RASA3: variants seen among roughly 807,000 people sequenced by gnomAD.
RASA3 encodes ras GTPase-activating protein 3.
Under a neutral mutation model 110.0 loss-of-function variants are expected in RASA3, and 73 were observed. That is an observed-to-expected ratio of 0.66 (90% CI 0.55 to 0.81). The LOEUF is 0.81. Among genes scored for constraint, RASA3 ranks in the 30% least tolerant of loss-of-function variants. The pLI is 0.00. For missense variants in RASA3, 976 were observed against 1,113.2 expected (o/e 0.88, Z 1.75); for synonymous variants, 500 against 451.4 (o/e 1.11, Z -1.37).
chr13:114,079,172 G>A (rs953018837), intron 1 of RASA3, among the ~76,000 whole-genome samples: 5 of 152,236 alleles, frequency 3.3e-5, no homozygotes, highest in South Asian at 2.1e-4. Flanking sequence ...GACAGAAGAC[G>A]TCCTGGAGAG....
intron 7 of RASA3, among the ~76,000 whole-genome samples, chr13:114,026,983 C>T (rs2054036597): frequency 6.6e-6 from 1 of 152,262 alleles, no homozygotes; most frequent in Non-Finnish European, 1.5e-5. Context: ...TGGAACAAGC[C>T]TTCCGCCTCT....
rs898951709 is a variant in RASA3 at position 114,109,174 on chromosome 13, C to T, written c.55+23261G>A. On this transcript the variant is annotated intron_variant, in intron 1 of 23. Transcript: ENST00000334062. ...ACGGGCCCCCGAACACGACCGGCTC[C>T]GTGACCGTCACAGGACGTTCAGGTG... Among the ~76,000 whole-genome samples the T allele has an allele frequency of 3.9e-5, 6 of 152,222 alleles. No individual in the cohort carries two copies. The South Asian group carries it at 1.0e-3, about 26-fold the overall frequency.
chr13:114,075,769 GCCTC>G (rs2079665360), intron 1 of RASA3, among the ~76,000 whole-genome samples: 8 of 102,302 alleles, frequency 7.8e-5, no homozygotes, highest in Non-Finnish European at 1.2e-4. Context: ...GCAGGACGAA[GCCTC>G]CCGTGTCCGC....
intron 2 of RASA3, among the ~76,000 whole-genome samples, chr13:114,059,291 C>G (rs1478401218): frequency 1.3e-5 from 2 of 152,226 alleles, no homozygotes; most frequent in Admixed American, 6.5e-5. Flanking sequence ...GCTGCTCCCC[C>G]CAACCTAATT....
At position 114,017,364 on chromosome 13, in the gene RASA3, G is replaced by C; in HGVS notation, c.1092-13C>G. The C allele has an allele frequency of 1.2e-6, 2 of 1,603,024 alleles. No homozygotes were observed. The highest frequency in any genetic ancestry group is 1.7e-6 in the Non-Finnish European group (2 of 1,170,444). Reference sequence around the variant, plus strand: ...GGTGTTGGGGTCCCTGGGAAATGGCGATGGGGACAGCGTTTGTCTCCTGGG... The same window carrying C: ...GGTGTTGGGGTCCCTGGGAAATGGCCATGGGGACAGCGTTTGTCTCCTGGG... On this transcript the variant is annotated splice_polypyrimidine_tract_variant and intron_variant, in intron 11 of 23. Coordinates refer to ENST00000334062, the MANE Select transcript of RASA3 (RefSeq NM_007368.4).
At chr13:114,073,997 A>G (rs1367860914) in intron 1 of RASA3, among the ~76,000 whole-genome samples, 160 bp from the exon 2 acceptor site, 1 of 152,170 alleles carries the variant, frequency 6.6e-6, no homozygotes. Flanking sequence ...TGTGCACCCC[A>G]TGTGTACTGC....
At chr13:114,102,093 CTG>C (rs1458299078) in intron 1 of RASA3, among the ~76,000 whole-genome samples, 1 of 152,210 alleles carries the variant, frequency 6.6e-6, no homozygotes, top group Admixed American at 6.5e-5. Flanking sequence ...CTGCATACAA[CTG>C]TGCAAATGCA....
At chr13:114,040,935 G>C in intron 4 of RASA3, 65 bp downstream of exon 4, 1 of 1,482,146 alleles carries the variant, frequency 6.7e-7, no homozygotes, top group Non-Finnish European at 9.4e-7. Context: ...GTCGGAGCCG[G>C]GCCCGTCTCG....
At chr13:114,075,457 C>G (rs61973926) in intron 1 of RASA3, among the ~76,000 whole-genome samples, 8,961 of 100,278 alleles carry the variant, frequency 0.089, 546 homozygotes, top group East Asian at 0.17. Flanking sequence ...CTCCCGTGTC[C>G]GCGCCGCGTA....
In RASA3 at chr13:114,096,906, C is replaced by A. The variant is rs760118443; in HGVS notation, c.56-23069G>T. On this transcript the variant is annotated intron_variant, in intron 1 of 23. Coordinates refer to ENST00000334062, the MANE Select transcript of RASA3 (RefSeq NM_007368.4). This position sits in a 1 kb window ranked among gnomAD's most constrained non-coding sequence, Gnocchi z 5.1. ...CACTCCGTGTTTGCCAACATGTGCG[C>A]CTTTGAACATGCGTTCTCTCCGCCT... 6.6e-5 allele frequency among the ~76,000 whole-genome samples: 10 copies of A among 152,178 alleles called. No homozygotes were observed. Among genetic ancestry groups the A allele is most frequent in the Non-Finnish European group, 1.5e-4 (10 of 68,026 alleles).
intron 1 of RASA3, among the ~76,000 whole-genome samples, chr13:114,094,826 T>C (rs904298892): frequency 6.6e-6 from 1 of 152,244 alleles, no homozygotes; most frequent in Non-Finnish European, 1.5e-5. Flanking sequence ...CTCACACGTT[T>C]AGATATGTGC....
chr13:114,026,767 A>G (rs1190995886), intron 7 of RASA3, among the ~76,000 whole-genome samples: 3 of 152,176 alleles, frequency 2.0e-5, no homozygotes, highest in African/African-American at 7.2e-5. Flanking sequence ...ACATCTGCCT[A>G]AAGGCCCTGC....
In RASA3 at chr13:114,114,716, G is replaced by A. The variant is rs181155997; in HGVS notation, c.55+17719C>T. Among the ~76,000 whole-genome samples the A allele has an allele frequency of 2.1e-3, 314 of 152,274 alleles. 5 individuals carry two copies. The South Asian group carries it at 0.043, about 21-fold the overall frequency. On this transcript the variant is annotated intron_variant, in intron 1 of 23. Coordinates refer to ENST00000334062, the MANE Select transcript of RASA3 (RefSeq NM_007368.4). The surrounding 1 kb of genome is among the most constrained non-coding windows in gnomAD (Gnocchi z 4.8). Reference sequence around the variant, plus strand: ...TTATGGGTAACCCTTGATAACATGTGGGCAGGGTTTCAGTGTAAACCCGAG... The same window carrying A: ...TTATGGGTAACCCTTGATAACATGTAGGCAGGGTTTCAGTGTAAACCCGAG...
chr13:114,108,853 A>G (rs1375556497), intron 1 of RASA3: 1 of 152,292 alleles, frequency 6.6e-6, no homozygotes, highest in African/African-American at 2.4e-5. Flanking sequence ...ATCCAACTTA[A>G]CACAGAGAGT....
intron 2 of RASA3, among the ~76,000 whole-genome samples, chr13:114,054,753 G>A (rs185869756): frequency 1.3e-5 from 2 of 152,376 alleles, no homozygotes; most frequent in Admixed American, 6.5e-5. Flanking sequence ...AAGGCAGAAT[G>A]CTCAGGGACT....
chr13:114,132,587 G>T lies in RASA3; in HGVS notation c.-98C>A. 9.4e-7 allele frequency: 1 copy of T among 1,062,242 alleles called. No homozygotes were observed. Among genetic ancestry groups the T allele is most frequent in the East Asian group, 3.7e-5 (1 of 26,768 alleles). 65.8% of individuals were successfully genotyped at this position (1,062,242 alleles called of 1,614,324 possible). A position where few individuals can be genotyped will look rare whatever the true frequency, so the allele number is the denominator to read the frequency against. ...GAGCGGCGGCGCCGGAGCCCCGAGC[G>T]CGGCCGAGGGTCCGCCCGCCTGCAA... On this transcript the variant is annotated 5_prime_UTR_variant, in exon 1 of 24. Transcript: ENST00000334062.
intron 4 of RASA3, among the ~76,000 whole-genome samples, chr13:114,038,781 C>T (rs1300259672): frequency 7.2e-5 from 11 of 152,210 alleles, no homozygotes; most frequent in Admixed American, 2.0e-4. Flanking sequence ...TGAGGGTTGC[C>T]GGGGGACAAG....
Position 113,992,158 on chromosome 13 carries a change from C to T in RASA3, c.2245+327G>A, listed in dbSNP as rs570348743. Among the ~76,000 whole-genome samples, 7 of 152,348 alleles carry T rather than the reference C, an allele frequency of 4.6e-5. No individual in the cohort carries two copies. The South Asian group carries it at 6.2e-4, about 14-fold the overall frequency. ...GCACACATGCAAGCACACTCACATA[C>T]GTGTCCACACACATGCACTTATCCC... is the stretch of plus-strand genomic sequence containing the variant. On this transcript the variant is annotated intron_variant, in intron 22 of 23. Coordinates refer to ENST00000334062, the MANE Select transcript of RASA3 (RefSeq NM_007368.4).
At chr13:114,081,951 A>C (rs968059578) in intron 1 of RASA3, among the ~76,000 whole-genome samples, 2 of 152,040 alleles carry the variant, frequency 1.3e-5, no homozygotes, top group African/African-American at 4.8e-5. Flanking sequence ...TCACACCTGC[A>C]CTCACCGGCT....
Sources: gnomAD v4.1 joint callset for allele counts (sites outside exome capture counted in the v4.1 genomes callset) on GRCh38, gnomAD v4.1.1 for gene constraint, Gnocchi (gnomAD v3.1) non-coding constraint, MANE v1.5 for transcripts, NCBI Gene and HGNC (gene_info 2026-07-23, HGNC 2026-07-21) for gene names.